ADSS2: variants seen among roughly 807,000 people sequenced by gnomAD.
ADSS2 encodes adenylosuccinate synthase 2.
A neutral mutation model predicts 60.0 loss-of-function variants in ADSS2; 30 were observed. The ratio of observed to expected loss-of-function variants is 0.50; its 90% CI spans 0.37 to 0.68. ADSS2 has a LOEUF of 0.68. Among genes scored for constraint, ADSS2 ranks in the 30% least tolerant of loss-of-function variants. ADSS2 has a pLI of 0.00. For missense variants in ADSS2, 373 were observed against 554.8 expected, an observed-to-expected ratio of 0.67 and a Z score of 3.29; for synonymous variants, 187 against 193.1, an observed-to-expected ratio of 0.97 and a Z score of 0.26.
chr1:244,442,839 C>T (rs7545484), intron 1 of ADSS2, among the ~76,000 whole-genome samples: 9,479 of 152,230 alleles, frequency 0.062, 728 homozygotes, highest in East Asian at 0.42. Context: ...AGGCAAAATT[C>T]ACCTTGGGAG....
At chr1:244,425,457 T>C (rs544729296) in intron 4 of ADSS2, among the ~76,000 whole-genome samples, 1 of 152,194 alleles carries the variant, frequency 6.6e-6, no homozygotes, top group Non-Finnish European at 1.5e-5. Context: ...ATAAGGTTCT[T>C]GGGATTAGTG....
intron 10 of ADSS2, among the ~76,000 whole-genome samples, chr1:244,416,371 G>A (rs1664533510): frequency 1.3e-5 from 2 of 152,178 alleles, no homozygotes; most frequent in Admixed American, 1.3e-4. Context: ...AGGCTGGAGT[G>A]TAGTGGCACA....
intron 9 of ADSS2, among the ~76,000 whole-genome samples, chr1:244,418,362 C>T (rs963547738): frequency 1.2e-4 from 18 of 152,140 alleles, no homozygotes; most frequent in African/African-American, 4.3e-4. Flanking sequence ...CGCTCTGTTG[C>T]GCCGGCTGGA....
At chr1:244,415,891 T>C (rs1371398540) in intron 11 of ADSS2, 90 bp downstream of exon 11, 7 of 939,936 alleles carry the variant, frequency 7.4e-6, no homozygotes, top group Non-Finnish European at 1.1e-5. Flanking sequence ...CCTGTCGCTA[T>C]CTATCACAAA....
rs1664743847 is a variant in ADSS2, at chr1:244,424,268, TA to T, written c.473+52del. On this transcript the variant is annotated intron_variant, in intron 5 of 12. Coordinates refer to ENST00000366535, the MANE Select transcript of ADSS2 (RefSeq NM_001126.5). The stretch of plus-strand genomic sequence containing the variant: ...AAACTTCTGGTCTAGAACTAAAATA[TA>T]AAGGTCTGCATATGCTTAAACTGTA... 9.8e-6 allele frequency: 15 copies of T among 1,523,454 alleles called. No individual in the cohort carries two copies. The Middle Eastern group carries it at 1.6e-3, about 158-fold the overall frequency. 94.4% of individuals were successfully genotyped at this position (1,523,454 alleles called of 1,614,324 possible). A position where few individuals can be genotyped will look rare whatever the true frequency, so the allele number is the denominator to read the frequency against.
Position 244,451,279 on chromosome 1 carries a change from C to T in ADSS2, c.183+356G>A, listed in dbSNP as rs1002443722. ...GTTGGGAGCAGGCCTCGGGCGGTAGCTCCTCAAACTCGGACCGCATCCCAC... is the reference window on the plus strand; with the variant it reads ...GTTGGGAGCAGGCCTCGGGCGGTAGTTCCTCAAACTCGGACCGCATCCCAC... On this transcript the variant is annotated intron_variant, in intron 1 of 12. Coordinates refer to ENST00000366535, the MANE Select transcript of ADSS2 (RefSeq NM_001126.5). The surrounding 1 kb of genome is among the most constrained non-coding windows in gnomAD (Gnocchi z 6.6). Among the ~76,000 whole-genome samples the T allele has an allele frequency of 1.3e-5, 2 of 152,176 alleles. No individual in the cohort carries two copies. Among genetic ancestry groups the T allele is most frequent in the Non-Finnish European group, 2.9e-5 (2 of 68,028 alleles).
At chr1:244,438,679 A>T (rs1257973422) in intron 1 of ADSS2, among the ~76,000 whole-genome samples, 1 of 152,218 alleles carries the variant, frequency 6.6e-6, no homozygotes, top group African/African-American at 2.4e-5. Flanking sequence ...CTTTAACAAC[A>T]TCCTTCTATA....
At chr1:244,415,948 A>T in intron 11 of ADSS2, 33 bp downstream of exon 11, 1 of 1,453,326 alleles carries the variant, frequency 6.9e-7, no homozygotes, top group Non-Finnish European at 9.6e-7. Context: ...TTCACCTTAT[A>T]ATATCCTTTA....
At chr1:244,438,174 C>A (rs1665149918) in intron 1 of ADSS2, among the ~76,000 whole-genome samples, 1 of 152,038 alleles carries the variant, frequency 6.6e-6, no homozygotes, top group South Asian at 2.1e-4. Flanking sequence ...ATCCAGTTAC[C>A]CTAACTTGAT....
At chr1:244,418,681 A>G in intron 9 of ADSS2, 79 bp downstream of exon 9, 1 of 1,383,040 alleles carries the variant, frequency 7.2e-7, no homozygotes, top group South Asian at 1.5e-5. Flanking sequence ...TGAAAGGCAC[A>G]GGAGACAATA....
At chr1:244,419,048 A>G (rs1251446795) in intron 8 of ADSS2, 134 bp from the exon 9 acceptor site, 1 of 812,004 alleles carries the variant, frequency 1.2e-6, no homozygotes, top group South Asian at 2.2e-5. Context: ...GCCCTCTCAA[A>G]GACTCAGTGT....
intron 1 of ADSS2, among the ~76,000 whole-genome samples, chr1:244,448,774 C>T (rs929261489): frequency 2.0e-5 from 3 of 152,194 alleles, no homozygotes; most frequent in African/African-American, 7.2e-5. Flanking sequence ...ACTTTAACCT[C>T]TTGAGAAACG....
At chr1:244,440,388 T>C (rs1457787774) in intron 1 of ADSS2, among the ~76,000 whole-genome samples, 2 of 152,148 alleles carry the variant, frequency 1.3e-5, no homozygotes, top group African/African-American at 4.8e-5. Flanking sequence ...TTTTGCACCG[T>C]ATAAAGCAAA....
chr1:244,411,317 G>C lies in ADSS2; in HGVS notation c.1288C>G (p.Arg430Gly). 7.4e-6 allele frequency: 12 copies of C among 1,612,770 alleles called. No individual in the cohort carries two copies. Among genetic ancestry groups the C allele is most frequent in the Non-Finnish European group, 1.0e-5 (12 of 1,179,632 alleles). Residue 430 changes from arginine (R) to glycine (G), a missense_variant, in exon 12 of 13, where the codon CGA becomes GGA. By Grantham distance (125) the Arg-to-Gly change is moderately radical (BLOSUM62 -2). Around this residue, in one of 5 missense-constraint regions of ADSS2, gnomAD observed 130 missense variants for 169.4 expected, o/e 0.77. Coordinates refer to ENST00000366535, the MANE Select transcript of ADSS2 (RefSeq NM_001126.5). ...ELPVNAQNYV[R>G]FIEDELQIPV... ...ATTTGAAGCTCATCTTCAATAAATC[G>C]AACATAGTTTTGTGCATTAACAGGT...
Position 244,409,331 on chromosome 1 carries a change from A to AG in ADSS2, c.*254_*255insC. Reference sequence around the variant, plus strand: ...TGGATTATACTATTACTAAACATTGAAAAAAAAAACGTGGCACCATGAGAG... The same window carrying AG: ...TGGATTATACTATTACTAAACATTGAGAAAAAAAAACGTGGCACCATGAGAG... On this transcript the variant is annotated 3_prime_UTR_variant, in exon 13 of 13. Transcript: ENST00000366535. 4.2e-6 allele frequency: 1 copy of AG among 235,812 alleles called. No individual in the cohort carries two copies. The highest frequency in any genetic ancestry group is 6.9e-6 in the Non-Finnish European group (1 of 144,582). The allele number at this position is 235,812 out of a possible 1,614,324, so 14.6% of individuals were successfully genotyped here.
intron 1 of ADSS2, among the ~76,000 whole-genome samples, chr1:244,444,765 C>G (rs1665344632): frequency 6.6e-6 from 1 of 151,754 alleles, no homozygotes; most frequent in South Asian, 2.1e-4. Context: ...TAATAAAAAC[C>G]AATTTAACTC....
chr1:244,445,067 G>A (rs1013632352), intron 1 of ADSS2, among the ~76,000 whole-genome samples: 2 of 152,144 alleles, frequency 1.3e-5, no homozygotes, highest in African/African-American at 4.8e-5. Flanking sequence ...TGAGTACTGA[G>A]AAGGAAAGCA....
Position 244,418,776 on chromosome 1 carries a change from G to A in ADSS2, c.929C>T (p.Pro310Leu). 6.2e-7 allele frequency: 1 copy of A among 1,610,872 alleles called. No individual in the cohort carries two copies. The highest frequency in any genetic ancestry group is 8.5e-7 in the Non-Finnish European group (1 of 1,179,064). Residue 310 changes from proline to leucine, a missense_variant, in exon 9 of 13, where the codon CCT (proline) becomes CTT (leucine). Transcript: ENST00000366535. Reference protein sequence around the residue: ...YTTRVGIGAFPTEQDNEIGEL... With the variant: ...YTTRVGIGAFLTEQDNEIGEL... Reference sequence around the variant, plus strand: ...TAGGCTTACATTGTCTTGCTCTGTAGGAAAGGCACCAATACCAACTCTAGT... The same window carrying A: ...TAGGCTTACATTGTCTTGCTCTGTAAGAAAGGCACCAATACCAACTCTAGT...
In ADSS2 at chr1:244,424,320, CT is replaced by C; in HGVS notation, c.473del (p.Asn158IlefsTer41). ...EQQRQEQAGK[N>X]LGTTKKGIGP... is the part of the protein sequence containing the mutation. ...CCAAAAAAACAAAAACCCACACATA[CT>C]TTTTTCCTGCTTGTTCTTGTCTCTG... On this transcript the variant is annotated frameshift_variant and splice_region_variant, in exon 5 of 13. Transcript: ENST00000366535. LOFTEE classifies it high-confidence loss of function. The C allele has an allele frequency of 6.2e-7, 1 of 1,612,944 alleles. No individual in the cohort carries two copies. The highest frequency in any genetic ancestry group is 1.1e-5 in the South Asian group (1 of 91,022).
Sources: gnomAD v4.1 joint callset for allele counts (sites outside exome capture counted in the v4.1 genomes callset) on GRCh38, gnomAD v4.1.1 for gene constraint, gnomAD v4.1.1 regional missense constraint, Gnocchi (gnomAD v3.1) non-coding constraint, MANE v1.5 for transcripts, NCBI Gene and HGNC (gene_info 2026-07-23, HGNC 2026-07-21) for gene names.